AVIL: variants seen among roughly 807,000 people sequenced by gnomAD.
AVIL encodes advillin.
AVIL carries 78 observed loss-of-function variants against 109.9 expected under a neutral mutation model. That is an observed-to-expected ratio of 0.71 (90% confidence interval 0.59 to 0.86). The LOEUF is 0.86. Among genes scored for constraint, AVIL ranks in the 40% least tolerant of loss-of-function variants. The probability of loss-of-function intolerance (pLI) is 0.00; values close to 1 mark genes in which losing one functional copy is unlikely to be tolerated. For missense variants in AVIL, 892 were observed against 1,016.5 expected, an observed-to-expected ratio of 0.88 and a Z score of 1.67; for synonymous variants, 367 against 379.1, an observed-to-expected ratio of 0.97 and a Z score of 0.37.
chr12:57,804,614 G>A (rs866259098), intron 14 of AVIL, among the ~76,000 whole-genome samples: 5 of 152,020 alleles, frequency 3.3e-5, no homozygotes, highest in Middle Eastern at 3.4e-3. Context: ...GAGTTCGAGA[G>A]CAGCCTGGGC....
chr12:57,816,185 C>T, intron 1 of AVIL, 126 bp from the exon 2 acceptor site: 1 of 723,632 alleles, frequency 1.4e-6, no homozygotes, highest in South Asian at 1.9e-5. Flanking sequence ...TGGTGCATCC[C>T]TGCACCATTT....
chr12:57,807,524 C>T (rs776989904), intron 12 of AVIL, 35 bp from the exon 13 acceptor site: 34 of 1,614,104 alleles, frequency 2.1e-5, no homozygotes, highest in Non-Finnish European at 8.5e-7. Flanking sequence ...GACCCATGCT[C>T]CCCGCCCCAG....
Position 57,799,943 on chromosome 12 carries a change from C to T in AVIL, c.2221-23G>A, listed in dbSNP as rs772619803. The T allele has an allele frequency of 3.7e-6, 6 of 1,613,498 alleles. No individual in the cohort carries two copies. In the African/African-American group the frequency reaches 6.7e-5, roughly 18 times the overall value. Reference sequence around the variant, plus strand: ...GTCCTAGGTAAGATAAGAATGTAGGCACAGGGAAAAGACTCCTCAGTGTCT... The same window carrying T: ...GTCCTAGGTAAGATAAGAATGTAGGTACAGGGAAAAGACTCCTCAGTGTCT... On this transcript the variant is annotated intron_variant, in intron 18 of 19. Transcript: ENST00000549994.
chr12:57,810,539 C>A lies in AVIL; in HGVS notation c.571G>T (p.Ala191Ser), dbSNP rs1208430008. 2 of 1,613,484 alleles carry A rather than the reference C, an allele frequency of 1.2e-6. No individual in the cohort carries two copies. The highest frequency in any genetic ancestry group is 2.7e-5 in the African/African-American group (2 of 74,886). Residue 191 changes from alanine (A) to serine (S), a missense_variant, in exon 7 of 20, where the codon GCA becomes TCA. By Grantham distance (99) the Ala-to-Ser change is moderately conservative. Coordinates refer to ENST00000549994, the MANE Select transcript of AVIL (RefSeq NM_006576.4). Reference protein sequence around the residue: ...SGERLKAMLLAKDIRDRERGG... With the variant: ...SGERLKAMLLSKDIRDRERGG... The stretch of plus-strand genomic sequence containing the variant: ...CGCTCCCTGTCTCGAATATCCTTTG[C>A]CAGAAGCATAGCCTGTCAAAGAAGC...
intron 18 of AVIL, among the ~76,000 whole-genome samples, chr12:57,800,812 TAGTC>T (rs935584050): frequency 9.9e-5 from 15 of 152,126 alleles, no homozygotes; most frequent in Non-Finnish European, 2.1e-4. Flanking sequence ...TTCACCATAT[TAGTC>T]AGGCTGGTCT....
At chr12:57,811,576 C>T (rs755348990) in intron 4 of AVIL, among the ~76,000 whole-genome samples, 7 of 152,206 alleles carry the variant, frequency 4.6e-5, no homozygotes, top group Admixed American at 3.9e-4. Flanking sequence ...TCAGCTCACC[C>T]GCCCTGCACT....
At position 57,809,883 on chromosome 12, in the gene AVIL, CTG is replaced by C. The variant is rs1199946617; in HGVS notation, c.767_768del (p.Ser256Ter). On this transcript the variant is annotated frameshift_variant, in exon 8 of 20. Transcript: ENST00000549994. LOFTEE classifies it high-confidence loss of function. ...QKSTIMLYHISDSAGQLAVTE... is the reference protein window; with the variant it reads ...QKSTIMLYHIXDSAGQLAVTE... ...GTGACTGCCAGCTGCCCAGCTGAAT[CTG>C]AGATACTGGAGAAGGGGAGAGGTTA... 1 of 1,614,128 alleles carries C rather than the reference CTG, an allele frequency of 6.2e-7. No individual in the cohort carries two copies. Among genetic ancestry groups the C allele is most frequent in the Non-Finnish European group, 8.5e-7 (1 of 1,180,002 alleles).
chr12:57,807,259 C>G, intron 13 of AVIL, 72 bp downstream of exon 13: 1 of 1,605,994 alleles, frequency 6.2e-7, no homozygotes. Context: ...CTCTGCTCTC[C>G]AATAGTCCTG....
intron 13 of AVIL, 162 bp from the exon 14 acceptor site, chr12:57,806,701 A>AT (rs1955953635): frequency 2.9e-6 from 2 of 688,050 alleles, no homozygotes; most frequent in African/African-American, 1.8e-5. Context: ...TATGTCACCG[A>AT]TAACAACAAC....
Position 57,797,549 on chromosome 12 carries a change from A to C in AVIL, c.*333T>G, listed in dbSNP as rs1233368917. ...GAAAACAAAGGTAGGTCCTGGTATA[A>C]TATTAAACATAAAGTTATTAAACAT... is the stretch of plus-strand genomic sequence containing the variant. On this transcript the variant is annotated 3_prime_UTR_variant, in exon 20 of 20. Coordinates refer to ENST00000549994, the MANE Select transcript of AVIL (RefSeq NM_006576.4). 1 of 918,866 alleles carries C rather than the reference A, an allele frequency of 1.1e-6. No homozygotes were observed. The highest frequency in any genetic ancestry group is 1.3e-6 in the Non-Finnish European group (1 of 768,532). The allele number at this position is 918,866 out of a possible 1,614,324, so 56.9% of individuals were successfully genotyped here.
chr12:57,802,076 G>A, intron 17 of AVIL, 84 bp downstream of exon 17: 1 of 1,463,426 alleles, frequency 6.8e-7, no homozygotes. Context: ...ACTGAGCCGT[G>A]AATCAGTACT....
intron 19 of AVIL, 61 bp from the exon 20 acceptor site, chr12:57,798,056 T>C (rs1955771576): frequency 3.0e-6 from 4 of 1,315,930 alleles, no homozygotes; most frequent in Non-Finnish European, 4.2e-6. Context: ...CCAACAGAAG[T>C]TGAGGAAGTT....
intron 1 of AVIL, among the ~76,000 whole-genome samples, chr12:57,818,181 G>GTTTT (rs1956119665): frequency 1.7e-5 from 1 of 59,384 alleles, no homozygotes; most frequent in African/African-American, 5.3e-5. Flanking sequence ...ACCATGCTTG[G>GTTTT]CTTTTTTTTT....
At chr12:57,800,017 G>C in intron 18 of AVIL, 97 bp from the exon 19 acceptor site, 1 of 1,461,546 alleles carries the variant, frequency 6.8e-7, no homozygotes, top group Admixed American at 1.9e-5. Context: ...TTTGACTTAT[G>C]CCACTTCACC....
intron 3 of AVIL, 49 bp from the exon 4 acceptor site, chr12:57,813,472 T>G: frequency 6.4e-7 from 1 of 1,560,824 alleles, no homozygotes; most frequent in South Asian, 1.1e-5. Flanking sequence ...CACCTCCCCT[T>G]TGCTGCTGGC....
chr12:57,800,030 CTG>C, intron 18 of AVIL, 110 bp from the exon 19 acceptor site: 1 of 1,369,762 alleles, frequency 7.3e-7, no homozygotes, highest in Non-Finnish European at 1.0e-6. Context: ...ACTTCACCCT[CTG>C]TAATCATCTT....
At chr12:57,800,011 A>G in intron 18 of AVIL, 91 bp from the exon 19 acceptor site, 1 of 1,483,116 alleles carries the variant, frequency 6.7e-7, no homozygotes, top group Non-Finnish European at 9.2e-7. Flanking sequence ...TAACATTTTG[A>G]CTTATGCCAC....
At chr12:57,815,538 A>T (rs1344927952) in intron 2 of AVIL, 1 of 1,195,800 alleles carries the variant, frequency 8.4e-7, no homozygotes, top group South Asian at 1.5e-5. Context: ...CCAAGAGGAG[A>T]CGGGCTGAAC....
Position 57,802,233 on chromosome 12 carries a change from A to G in AVIL, c.2078T>C (p.Leu693Pro), listed in dbSNP as rs1318943100. 6.2e-7 allele frequency: 1 copy of G among 1,614,182 alleles called. No homozygotes were observed. Among genetic ancestry groups the G allele is most frequent in the East Asian group, 2.2e-5 (1 of 44,888 alleles). ...PSGRDPDTPILIIKQGFEPPI... is the reference protein window; with the variant it reads ...PSGRDPDTPIPIIKQGFEPPI... ...AGGCTCAAACCCCTGCTTAATGATC[A>G]GGATTGGTGTGTCGGGATCTCGGCC... The change falls in exon 17 of 20, where the codon CTG becomes CCG. Residue 693 changes from leucine (L) to proline (P), a missense_variant. Leu to Pro is a moderately conservative substitution (Grantham distance 98). Coordinates refer to ENST00000549994, the MANE Select transcript of AVIL (RefSeq NM_006576.4).
Sources: allele counts gnomAD v4.1 joint callset (sites outside exome capture counted in the v4.1 genomes callset), GRCh38; gene constraint gnomAD v4.1.1; transcripts MANE v1.5; gene names NCBI Gene and HGNC (gene_info 2026-07-23, HGNC 2026-07-21).